THSD7B: variants seen among roughly 807,000 people sequenced by gnomAD.
THSD7B encodes the protein thrombospondin type-1 domain-containing protein 7B.
Under a neutral mutation model 213.6 loss-of-function variants are expected in THSD7B, and 138 were observed. The ratio of observed to expected loss-of-function variants is 0.65; its 90% CI spans 0.56 to 0.74. The LOEUF (loss-of-function observed/expected upper bound fraction) is 0.74, where lower values mean the gene tolerates loss of function less well. THSD7B is among the 30% of genes least tolerant of loss of function. The probability of loss-of-function intolerance (pLI) is 0.00; values close to 1 mark genes in which losing one functional copy is unlikely to be tolerated. For missense variants in THSD7B, 1,931 were observed against 1,991.5 expected (o/e 0.97, Z 0.58); for synonymous variants, 742 against 687.0 (o/e 1.08, Z -1.25).
intron 2 of THSD7B, among the ~76,000 whole-genome samples, chr2:136,954,905 T>TA (rs1022401894): frequency 1.3e-5 from 2 of 152,154 alleles, no homozygotes; most frequent in Non-Finnish European, 2.9e-5. Flanking sequence ...CTATTTTTTT[T>TA]ACTGAGCATT....
chr2:137,076,492 C>G (rs1357300138), intron 3 of THSD7B, among the ~76,000 whole-genome samples: 1 of 152,204 alleles, frequency 6.6e-6, no homozygotes, highest in Non-Finnish European at 1.5e-5. Flanking sequence ...ATCTGTCACC[C>G]CTTTCTTTGA....
intron 15 of THSD7B, among the ~76,000 whole-genome samples, chr2:137,537,656 G>T (rs1344134272): frequency 6.6e-6 from 1 of 151,614 alleles, no homozygotes; most frequent in Non-Finnish European, 1.5e-5. Flanking sequence ...ATTAAGATTT[G>T]TGGTCTATTA....
chr2:137,247,214 C>A (rs1182574367), intron 10 of THSD7B, among the ~76,000 whole-genome samples: 1 of 152,104 alleles, frequency 6.6e-6, no homozygotes, highest in Non-Finnish European at 1.5e-5. Flanking sequence ...ATCAGAGAAC[C>A]TTTAAAGAGC....
chr2:137,636,858 G>T (rs531956382), intron 20 of THSD7B, among the ~76,000 whole-genome samples: 1 of 152,186 alleles, frequency 6.6e-6, no homozygotes, highest in Admixed American at 6.5e-5. Flanking sequence ...TTAACTTTCT[G>T]TGTTTTTTCT....
intron 2 of THSD7B, among the ~76,000 whole-genome samples, chr2:136,895,528 T>TC (rs1683943082): frequency 6.8e-6 from 1 of 147,538 alleles, no homozygotes; most frequent in South Asian, 2.2e-4. Context: ...TTTTTTTTTT[T>TC]TTTTTTTTTT....
At chr2:137,187,689 A>G (rs13406601) in intron 7 of THSD7B, among the ~76,000 whole-genome samples, 42,792 of 151,994 alleles carry the variant, frequency 0.28, 6,850 homozygotes, top group Non-Finnish European at 0.35. Context: ...AGGGAGTTAT[A>G]GCTGTGGTGA....
At chr2:137,404,192 A>C (rs981583149) in intron 12 of THSD7B, among the ~76,000 whole-genome samples, 1 of 151,860 alleles carries the variant, frequency 6.6e-6, no homozygotes, top group Admixed American at 6.6e-5. Flanking sequence ...CTAGTTGAAA[A>C]AGTGTGTGAG....
intron 17 of THSD7B, among the ~76,000 whole-genome samples, chr2:137,591,501 T>A (rs1205541359): frequency 6.6e-6 from 1 of 151,960 alleles, no homozygotes; most frequent in Non-Finnish European, 1.5e-5. Context: ...TTATTTAAGC[T>A]TTTTTACTTA....
At chr2:137,358,103 C>T (rs59311976) in intron 12 of THSD7B, among the ~76,000 whole-genome samples, 4,361 of 152,266 alleles carry the variant, frequency 0.029, 216 homozygotes, top group African/African-American at 0.1. Flanking sequence ...AGGCACCAAA[C>T]TTGACATGCT....
At chr2:137,243,091 T>C (rs1681950432) in intron 10 of THSD7B, among the ~76,000 whole-genome samples, 1 of 152,230 alleles carries the variant, frequency 6.6e-6, no homozygotes, top group African/African-American at 2.4e-5. Flanking sequence ...GGTGATACTT[T>C]ATACATCTGG....
At chr2:137,450,668 G>C (rs1687630980) in intron 14 of THSD7B, among the ~76,000 whole-genome samples, 177 bp from the exon 15 acceptor site, 2 of 152,102 alleles carry the variant, frequency 1.3e-5, no homozygotes, top group Non-Finnish European at 2.9e-5. Context: ...GCACAAATTT[G>C]AATGCAGATG....
chr2:136,793,359 A>G (rs1682000841), intron 1 of THSD7B, among the ~76,000 whole-genome samples: 1 of 151,902 alleles, frequency 6.6e-6, no homozygotes. Flanking sequence ...TTCATGGCTT[A>G]TTTTCCATTG....
intron 1 of THSD7B, among the ~76,000 whole-genome samples, chr2:136,879,701 TG>T (rs1683586405): frequency 6.6e-6 from 1 of 152,148 alleles, no homozygotes; most frequent in African/African-American, 2.4e-5. Flanking sequence ...GACCCATCAG[TG>T]TGCTGTATTC....
chr2:136,839,448 G>T (rs1451226804), intron 1 of THSD7B, among the ~76,000 whole-genome samples: 1 of 152,150 alleles, frequency 6.6e-6, no homozygotes, highest in African/African-American at 2.4e-5. Context: ...TAGAAATAGG[G>T]AATTTGTAGT....
intron 2 of THSD7B, among the ~76,000 whole-genome samples, chr2:136,940,616 T>C (rs1289318749): frequency 6.6e-6 from 1 of 151,652 alleles, no homozygotes; most frequent in African/African-American, 2.4e-5. Context: ...GGTCTTGAAC[T>C]CTTGAGCTCC....
At position 137,365,941 on chromosome 2, in the gene THSD7B, T is replaced by C. The variant is rs554797537; in HGVS notation, c.2501-39672T>C. Among the ~76,000 whole-genome samples, 6 of 152,228 alleles carry C rather than the reference T, an allele frequency of 3.9e-5. No individual in the cohort carries two copies. The South Asian group carries it at 1.2e-3, about 32-fold the overall frequency. On this transcript the variant is annotated intron_variant, in intron 12 of 27. Coordinates refer to ENST00000409968, the MANE Select transcript of THSD7B (RefSeq NM_001316349.2). ...ATGCTACTATAAAGACACATGGACA[T>C]GTATGTTTATTGTGGCACCATTCAC...
At chr2:137,642,346 A>G in intron 20 of THSD7B, 142 bp from the exon 21 acceptor site, 1 of 1,019,902 alleles carries the variant, frequency 9.8e-7, no homozygotes, top group South Asian at 1.7e-5. Flanking sequence ...CTAAATGAAA[A>G]TGACAGAAAA....
intron 1 of THSD7B, among the ~76,000 whole-genome samples, chr2:136,838,801 C>A (rs1005257318): frequency 2.0e-5 from 3 of 152,098 alleles, no homozygotes; most frequent in African/African-American, 7.2e-5. Flanking sequence ...CTTTGGGTAC[C>A]ATACTGGCAC....
chr2:137,405,612 G>A lies in THSD7B; in HGVS notation c.2501-1G>A. 6.3e-7 allele frequency: 1 copy of A among 1,581,596 alleles called. No homozygotes were observed. The highest frequency in any genetic ancestry group is 1.7e-4 in the Middle Eastern group (1 of 5,878). ...ACAAAAGAATTCATGCTTTTTTTCA[G>A]CTGTCTCATGCATCTCTGATGACAA... On this transcript the variant is annotated splice_acceptor_variant, in intron 12 of 27. Transcript: ENST00000409968. LOFTEE classifies it high-confidence loss of function.
Sources: gnomAD v4.1 joint callset for allele counts (sites outside exome capture counted in the v4.1 genomes callset) on GRCh38, gnomAD v4.1.1 for gene constraint, MANE v1.5 for transcripts, NCBI Gene and HGNC (gene_info 2026-07-23, HGNC 2026-07-21) for gene names.